ELF2: variants seen among roughly 807,000 people sequenced by gnomAD.
ELF2 encodes E74 like ETS transcription factor 2, also known as ETS-related transcription factor Elf-2.
In ELF2, 11 loss-of-function variants were observed where a neutral mutation model predicts 54.8. The observed-to-expected ratio is 0.20, with a 90% CI of 0.13 to 0.33. ELF2 has a LOEUF of 0.33. Among genes scored for constraint, ELF2 ranks in the 10% least tolerant of loss-of-function variants. The probability of loss-of-function intolerance (pLI) is 1.00; values close to 1 mark genes in which losing one functional copy is unlikely to be tolerated. For synonymous variants in ELF2, 203 were observed against 245.1 expected, an observed-to-expected ratio of 0.83 and a Z score of 1.61; for missense variants, 513 against 703.0, an observed-to-expected ratio of 0.73 and a Z score of 3.06.
intron 4 of ELF2, among the ~76,000 whole-genome samples, chr4:139,091,942 T>C (rs1347299019): frequency 2.0e-5 from 3 of 149,002 alleles, no homozygotes; most frequent in Non-Finnish European, 4.4e-5. Flanking sequence ...TATACACATA[T>C]ATATACACAC....
At chr4:139,164,720 TTG>T (rs144408474) in intron 1 of ELF2, among the ~76,000 whole-genome samples, 2,554 of 152,284 alleles carry the variant, frequency 0.017, 34 homozygotes, top group South Asian at 0.052. Context: ...TTAGTAAAAA[TTG>T]CAAGAGGTTT....
At chr4:139,166,905 G>C (rs576555381) in intron 1 of ELF2, among the ~76,000 whole-genome samples, 12 of 152,132 alleles carry the variant, frequency 7.9e-5, no homozygotes, top group Non-Finnish European at 1.8e-4. Context: ...AATAATCAAT[G>C]ATGTTTTTAT....
intron 4 of ELF2, among the ~76,000 whole-genome samples, chr4:139,083,178 G>GT (rs960858364): frequency 1.3e-4 from 18 of 136,500 alleles, no homozygotes; most frequent in Middle Eastern, 4.1e-3. Flanking sequence ...GTGGTGGGAG[G>GT]TTTGGGGGGG....
Position 139,115,725 on chromosome 4 carries a change from A to G in ELF2, c.238+9439T>C, listed in dbSNP as rs116648682. ...AATCAGTACCTATCTTAAAGTTGAT[A>G]GTCTCTTAAAAGTTTATATTTGGCA... On this transcript the variant is annotated intron_variant, in intron 4 of 9. Transcript: ENST00000686138. Among the ~76,000 whole-genome samples, 1,117 of 152,336 alleles carry G rather than the reference A, an allele frequency of 7.3e-3. 14 individuals are homozygous for G. Among genetic ancestry groups the G allele is most frequent in the African/African-American group, 0.025 (1,040 of 41,566 alleles).
chr4:139,142,601 T>C (rs1683263640), intron 1 of ELF2, among the ~76,000 whole-genome samples: 2 of 152,168 alleles, frequency 1.3e-5, no homozygotes, highest in Admixed American at 6.5e-5. Context: ...GCTGCAATAA[T>C]ATATGTTGTG....
At chr4:139,164,401 G>C (rs748641470) in intron 1 of ELF2, among the ~76,000 whole-genome samples, 1 of 152,014 alleles carries the variant, frequency 6.6e-6, no homozygotes. Context: ...TTTGGGAGGC[G>C]GAGGCGGGTG....
intron 4 of ELF2, among the ~76,000 whole-genome samples, chr4:139,095,997 G>C (rs1733230505): frequency 6.6e-6 from 1 of 152,170 alleles, no homozygotes; most frequent in Non-Finnish European, 1.5e-5. Flanking sequence ...CGTAATCCCA[G>C]CTACTCGGGA....
intron 4 of ELF2, among the ~76,000 whole-genome samples, chr4:139,108,890 G>A (rs12643839): frequency 0.015 from 2,282 of 152,210 alleles, 66 homozygotes; most frequent in East Asian, 0.12. Context: ...TTAAGATCCG[G>A]GGCCCAAATA....
chr4:139,136,348 C>T (rs1324966168), intron 3 of ELF2, among the ~76,000 whole-genome samples: 1 of 151,986 alleles, frequency 6.6e-6, no homozygotes, highest in East Asian at 1.9e-4. Context: ...AAGACCTTCA[C>T]TTTATCCTAT....
intron 4 of ELF2, among the ~76,000 whole-genome samples, chr4:139,100,174 C>T (rs1027226811): frequency 3.9e-5 from 6 of 152,180 alleles, no homozygotes; most frequent in African/African-American, 9.7e-5. Flanking sequence ...AAAAGTTATT[C>T]GGCCTAGGGT....
intron 4 of ELF2, among the ~76,000 whole-genome samples, chr4:139,116,045 A>G (rs565325401): frequency 2.1e-3 from 323 of 152,180 alleles, no homozygotes; most frequent in Admixed American, 3.4e-3. Context: ...GGTTTTGCCA[A>G]GTTGGCCAGG....
intron 6 of ELF2, among the ~76,000 whole-genome samples, chr4:139,069,054 G>C (rs1162086979): frequency 6.6e-6 from 1 of 152,036 alleles, no homozygotes; most frequent in Non-Finnish European, 1.5e-5. Context: ...ATTTTTTGTA[G>C]AGATGGGTTT....
intron 4 of ELF2, among the ~76,000 whole-genome samples, chr4:139,120,475 A>G (rs1448979250): frequency 6.6e-6 from 1 of 151,956 alleles, no homozygotes; most frequent in African/African-American, 2.4e-5. Flanking sequence ...TCACTCTGTC[A>G]CTCGGGCTGG....
chr4:139,145,739 T>C (rs1464200768), intron 1 of ELF2, among the ~76,000 whole-genome samples: 2 of 152,082 alleles, frequency 1.3e-5, no homozygotes, highest in Non-Finnish European at 2.9e-5. Context: ...GTTTAACATA[T>C]GCAAGTCAAC....
intron 4 of ELF2, among the ~76,000 whole-genome samples, chr4:139,095,134 AAGTTGAT>A (rs1261914027): frequency 6.6e-6 from 1 of 151,760 alleles, no homozygotes; most frequent in East Asian, 1.9e-4. Context: ...CTAGTTAGTA[AAGTTGAT>A]AGCTGGCATC....
intron 4 of ELF2, among the ~76,000 whole-genome samples, chr4:139,119,203 T>C (rs1301215654): frequency 6.6e-6 from 1 of 152,268 alleles, no homozygotes; most frequent in Non-Finnish European, 1.5e-5. Flanking sequence ...ATCTCCTTCC[T>C]TGGGAAAAAT....
Position 139,058,266 on chromosome 4 carries a change from T to C in ELF2, c.*717A>G, listed in dbSNP as rs1443431696. On this transcript the variant is annotated 3_prime_UTR_variant, in exon 10 of 10. Transcript: ENST00000686138. ...TATTCTATAACAATACTGTGCTAGG[T>C]ACAAGATTTTTAAAATTTTTCTTTT... 1 of 152,046 alleles carries C rather than the reference T, an allele frequency of 6.6e-6. No homozygotes were observed. The highest frequency in any genetic ancestry group is 2.4e-5 in the African/African-American group (1 of 41,426). The allele number at this position is 152,046 out of a possible 1,614,324, so 9.4% of individuals were successfully genotyped here.
At chr4:139,132,866 ATATAT>A (rs1560848554) in intron 3 of ELF2, among the ~76,000 whole-genome samples, 24 of 141,556 alleles carry the variant, frequency 1.7e-4, no homozygotes, top group Admixed American at 3.5e-4. Flanking sequence ...ATATATATAT[ATATAT>A]ATAAAATATG....
Position 139,060,372 on chromosome 4 carries a change from G to C in ELF2, c.1109C>G (p.Ser370Cys), listed in dbSNP as rs1332854709. Residue 370 changes from serine (S) to cysteine (C), a missense_variant, in exon 9 of 10, where the codon TCC becomes TGC. By Grantham distance (112) the Ser-to-Cys change is moderately radical. Coordinates refer to ENST00000686138, the MANE Select transcript of ELF2 (RefSeq NM_001331036.3). Reference protein sequence around the residue: ...NITSPGHDASSRSPTTTASVS... With the variant: ...NITSPGHDASCRSPTTTASVS... The stretch of plus-strand genomic sequence containing the variant: ...AGATGCAGTGGTAGTAGGAGACCTG[G>C]ATGAAGCATCGTGCCCAGGGGAAGT... The C allele has an allele frequency of 5.0e-6, 8 of 1,613,656 alleles. No homozygotes were observed. In the African/African-American group the frequency reaches 9.3e-5, roughly 19 times the overall value.
Sources: gnomAD v4.1 joint callset for allele counts (sites outside exome capture counted in the v4.1 genomes callset) on GRCh38, gnomAD v4.1.1 for gene constraint, MANE v1.5 for transcripts, NCBI Gene and HGNC (gene_info 2026-07-23, HGNC 2026-07-21) for gene names.